The following STAM variants were observed in gnomAD, a reference collection of about 807,000 sequenced individuals.
STAM encodes the protein signal transducing adaptor molecule.
Under a neutral mutation model 63.4 loss-of-function variants are expected in STAM, and 16 were observed. The ratio of observed to expected loss-of-function variants is 0.25; its 90% confidence interval spans 0.17 to 0.38. The LOEUF is 0.38. Among genes scored for constraint, STAM ranks in the 10% least tolerant of loss-of-function variants. The probability of loss-of-function intolerance (pLI) is 1.00; values close to 1 mark genes in which losing one functional copy is unlikely to be tolerated. For missense variants in STAM, 636 were observed against 657.1 expected (o/e 0.97, Z 0.35); for synonymous variants, 238 against 223.9 (o/e 1.06, Z -0.56).
At chr10:17,668,960 A>C (rs1336705404) in intron 2 of STAM, among the ~76,000 whole-genome samples, 1 of 152,216 alleles carries the variant, frequency 6.6e-6, no homozygotes, top group Non-Finnish European at 1.5e-5. Flanking sequence ...TTTTAAGTTC[A>C]GTTGGGTAAA....
intron 1 of STAM, among the ~76,000 whole-genome samples, chr10:17,655,200 T>C (rs1554821995): frequency 6.6e-6 from 1 of 152,194 alleles, no homozygotes; most frequent in African/African-American, 2.4e-5. Flanking sequence ...CTTTCTTAGA[T>C]TGTAAGCTAC....
At chr10:17,700,880 T>C (rs2131672990) in intron 9 of STAM, among the ~76,000 whole-genome samples, 1 of 152,326 alleles carries the variant, frequency 6.6e-6, no homozygotes, top group South Asian at 2.1e-4. Context: ...AAATTACTTC[T>C]ACATAAATCA....
At chr10:17,653,846 A>G (rs1833836346) in intron 1 of STAM, among the ~76,000 whole-genome samples, 1 of 152,212 alleles carries the variant, frequency 6.6e-6, no homozygotes, top group Non-Finnish European at 1.5e-5. Flanking sequence ...CCAATCTCCC[A>G]TGTATACCAA....
Position 17,708,887 on chromosome 10 carries a change from G to A in STAM, c.1321G>A (p.Ala441Thr), listed in dbSNP as rs916581461. The change falls in exon 13 of 14, where the codon GCA becomes ACA. Residue 441 changes from alanine (A) to threonine (T), a missense_variant. Transcript: ENST00000377524. ...PPEQLSSLSQ[A>T]VVPPSANPAL... ...GGAGCAGCTGTCTTCTCTCAGCCAG[G>A]CAGTGGTCCCACCATCCGCAAACCC... 2 of 1,614,146 alleles carry A rather than the reference G, an allele frequency of 1.2e-6. No individual in the cohort carries two copies. The highest frequency in any genetic ancestry group is 1.7e-6 in the Non-Finnish European group (2 of 1,180,002).
intron 1 of STAM, among the ~76,000 whole-genome samples, chr10:17,648,127 TA>T (rs1833588846): frequency 6.6e-6 from 1 of 152,210 alleles, no homozygotes; most frequent in Non-Finnish European, 1.5e-5. Context: ...ATTTTGGCTG[TA>T]CTTTAAAAAT....
chr10:17,714,300 T>C (rs1363190631), intron 13 of STAM, among the ~76,000 whole-genome samples: 5 of 150,850 alleles, frequency 3.3e-5, no homozygotes, highest in Admixed American at 1.3e-4. Context: ...TATAGACTTA[T>C]TTCCGCAAAC....
Position 17,708,876 on chromosome 10 carries a change from C to T in STAM, c.1310C>T (p.Ser437Phe), listed in dbSNP as rs1554829720. ...SYSLPPEQLS[S>F]LSQAVVPPSA... The stretch of plus-strand genomic sequence containing the variant: ...AGTCTTCCCCCGGAGCAGCTGTCTT[C>T]TCTCAGCCAGGCAGTGGTCCCACCA... Residue 437 changes from serine (S) to phenylalanine (F), a missense_variant, in exon 13 of 14, where the codon TCT becomes TTT. Ser to Phe is a radical substitution (Grantham distance 155). This residue lies in a region of STAM where 532 missense variants were observed against 536.9 expected (regional missense o/e 0.99). Transcript: ENST00000377524. The T allele has an allele frequency of 6.2e-7, 1 of 1,614,220 alleles. No homozygotes were observed. Among genetic ancestry groups the T allele is most frequent in the South Asian group, 1.1e-5 (1 of 91,086 alleles).
chr10:17,710,250 G>A (rs1191278915), intron 13 of STAM, among the ~76,000 whole-genome samples: 1 of 152,094 alleles, frequency 6.6e-6, no homozygotes, highest in African/African-American at 2.4e-5. Flanking sequence ...CAAGGTCGGG[G>A]CCTTGGGAAA....
intron 1 of STAM, among the ~76,000 whole-genome samples, chr10:17,655,358 G>C (rs11254703): frequency 0.01 from 1,550 of 152,248 alleles, 14 homozygotes; most frequent in South Asian, 0.033. Context: ...GAATTAATCT[G>C]TGTGAATAAC....
chr10:17,680,714 T>C (rs1241452608), intron 2 of STAM, among the ~76,000 whole-genome samples: 2 of 152,236 alleles, frequency 1.3e-5, no homozygotes, highest in Non-Finnish European at 2.9e-5. Context: ...GCCTTGATTT[T>C]GACTACTCTT....
At chr10:17,701,972 A>G (rs1474943580) in intron 9 of STAM, among the ~76,000 whole-genome samples, 2 of 152,198 alleles carry the variant, frequency 1.3e-5, no homozygotes, top group African/African-American at 4.8e-5. Flanking sequence ...AGATCATTAA[A>G]AATAATTTTT....
intron 2 of STAM, among the ~76,000 whole-genome samples, chr10:17,661,879 A>G (rs1489624972): frequency 6.8e-6 from 1 of 146,680 alleles, no homozygotes; most frequent in Non-Finnish European, 1.5e-5. Context: ...TGACGTTCCC[A>G]AAGAATCTCC....
In STAM at chr10:17,648,620, C is replaced by T. The variant is rs913061126; in HGVS notation, c.40+4241C>T. 2.0e-5 allele frequency among the ~76,000 whole-genome samples: 3 copies of T among 152,160 alleles called. No individual in the cohort carries two copies. In the South Asian group the frequency reaches 6.2e-4, roughly 32 times the overall value. On this transcript the variant is annotated intron_variant, in intron 1 of 13. Coordinates refer to ENST00000377524, the MANE Select transcript of STAM (RefSeq NM_003473.4). ...CAAACCCACCAGAGGGAACAAACTC[C>T]GGACACATCATCACCTTTTTCTGTC...
rs1835548435 is a variant in STAM at position 17,691,820 on chromosome 10, T to G, written c.445-1402T>G. Among the ~76,000 whole-genome samples, 4 of 152,214 alleles carry G rather than the reference T, an allele frequency of 2.6e-5. 1 individual carries two copies. In the South Asian group the frequency reaches 8.3e-4, roughly 31 times the overall value. The stretch of plus-strand genomic sequence containing the variant: ...TTTGAATGTGTTTTAGAATTTCATT[T>G]TTAAATTGTTTGCCCTGGGAATGAC... On this transcript the variant is annotated intron_variant, in intron 5 of 13. Transcript: ENST00000377524.
chr10:17,682,205 C>T (rs1554825467), intron 2 of STAM, among the ~76,000 whole-genome samples: 1 of 152,158 alleles, frequency 6.6e-6, no homozygotes, highest in Admixed American at 6.5e-5. Flanking sequence ...GATTAAATTT[C>T]CTTTTCTAGA....
chr10:17,684,615 A>T, intron 2 of STAM, 60 bp from the exon 3 acceptor site: 1 of 1,383,150 alleles, frequency 7.2e-7, no homozygotes, highest in Non-Finnish European at 1.0e-6. Context: ...TATAACAGTT[A>T]AGGGGCAGGG....
chr10:17,683,848 G>A (rs1835184639), intron 2 of STAM, among the ~76,000 whole-genome samples: 1 of 152,246 alleles, frequency 6.6e-6, no homozygotes, highest in Non-Finnish European at 1.5e-5. Flanking sequence ...TTTATTGAAT[G>A]CTTAGTACTT....
intron 9 of STAM, among the ~76,000 whole-genome samples, chr10:17,703,334 T>G (rs968158014): frequency 5.3e-5 from 8 of 151,718 alleles, no homozygotes; most frequent in African/African-American, 1.9e-4. Context: ...GGGAAGAGTT[T>G]TTTTTTTTTT....
chr10:17,682,906 A>G (rs145992840), intron 2 of STAM, among the ~76,000 whole-genome samples: 190 of 152,120 alleles, frequency 1.2e-3, no homozygotes, highest in African/African-American at 4.4e-3. Context: ...TATATTTTGA[A>G]GTTCTATTTT....
Sources: allele counts gnomAD v4.1 joint callset (sites outside exome capture counted in the v4.1 genomes callset), GRCh38; gene constraint gnomAD v4.1.1; regional missense constraint gnomAD v4.1.1; transcripts MANE v1.5; gene names NCBI Gene and HGNC (gene_info 2026-07-23, HGNC 2026-07-21).